The following TNIP3 variants were observed in gnomAD, a reference collection of about 807,000 sequenced individuals.
TNIP3 encodes the protein TNFAIP3 interacting protein 3, also known as TNFAIP3-interacting protein 3.
A neutral mutation model predicts 54.1 loss-of-function variants in TNIP3; 34 were observed. The ratio of observed to expected loss-of-function variants is 0.63; its 90% CI spans 0.48 to 0.84. TNIP3 has a LOEUF of 0.84. Among genes scored for constraint, TNIP3 ranks in the 40% least tolerant of loss-of-function variants. The probability of loss-of-function intolerance (pLI) is 0.00; values close to 1 mark genes in which losing one functional copy is unlikely to be tolerated. For missense variants in TNIP3, 366 were observed against 387.6 expected (o/e 0.94, Z 0.47); for synonymous variants, 134 against 136.8 (o/e 0.98, Z 0.14).
At chr4:121,192,552 T>C (rs1013549664) in intron 2 of TNIP3, among the ~76,000 whole-genome samples, 2 of 152,122 alleles carry the variant, frequency 1.3e-5, no homozygotes, top group Non-Finnish European at 2.9e-5. Flanking sequence ...AAAGCTTCTA[T>C]CGAGCTTTAA....
At chr4:121,155,001 C>T (rs1281661256) in intron 4 of TNIP3, among the ~76,000 whole-genome samples, 1 of 150,542 alleles carries the variant, frequency 6.6e-6, no homozygotes, top group Non-Finnish European at 1.5e-5. Context: ...CTCACACTGT[C>T]TCCCGGCCTG....
At chr4:121,142,490 C>G (rs542636482) in intron 8 of TNIP3, among the ~76,000 whole-genome samples, 1 of 152,188 alleles carries the variant, frequency 6.6e-6, no homozygotes, top group Non-Finnish European at 1.5e-5. Flanking sequence ...CTAAGGAGCA[C>G]TAAGACTTGT....
chr4:121,222,368 C>G (rs1050206051), intron 1 of TNIP3, among the ~76,000 whole-genome samples: 1 of 152,090 alleles, frequency 6.6e-6, no homozygotes, highest in Non-Finnish European at 1.5e-5. Context: ...CTTTTTCAAA[C>G]GTGTATTGGA....
chr4:121,199,719 A>G (rs1316925627), intron 2 of TNIP3, among the ~76,000 whole-genome samples: 1 of 152,220 alleles, frequency 6.6e-6, no homozygotes, highest in Non-Finnish European at 1.5e-5. Context: ...ACACAAATTC[A>G]CAATGCCCAG....
At chr4:121,151,754 A>T (rs1054224744) in intron 5 of TNIP3, among the ~76,000 whole-genome samples, 3 of 152,104 alleles carry the variant, frequency 2.0e-5, no homozygotes, top group Non-Finnish European at 2.9e-5. Flanking sequence ...TTTTCATGCT[A>T]TTTGGGATCC....
chr4:121,160,273 G>A (rs185920683), intron 2 of TNIP3, among the ~76,000 whole-genome samples: 57 of 152,252 alleles, frequency 3.7e-4, no homozygotes, highest in African/African-American at 1.4e-3. Flanking sequence ...GAGGATAGGA[G>A]TTCTAGACCA....
upstream of TNIP3, among the ~76,000 whole-genome samples, chr4:121,220,079 C>A (rs1726967655): frequency 6.6e-6 from 1 of 151,988 alleles, no homozygotes; most frequent in African/African-American, 2.4e-5. Context: ...GGCTGAAAAC[C>A]ATACATATGT....
At chr4:121,145,742 T>G (rs1178702414) in intron 7 of TNIP3, among the ~76,000 whole-genome samples, 2 of 151,878 alleles carry the variant, frequency 1.3e-5, no homozygotes. Context: ...CAAATATTTT[T>G]TGTTCTAAAA....
At chr4:121,157,041 C>T in intron 4 of TNIP3, 53 bp downstream of exon 4, 1 of 1,606,850 alleles carries the variant, frequency 6.2e-7, no homozygotes, top group East Asian at 2.2e-5. Flanking sequence ...AATCCCCCCG[C>T]CCCTTTGCTT....
upstream of TNIP3, among the ~76,000 whole-genome samples, chr4:121,168,622 G>C (rs528774345): frequency 6.6e-6 from 1 of 151,332 alleles, no homozygotes; most frequent in East Asian, 1.9e-4. Context: ...CTGGGGTCAA[G>C]CAATCCAGCT....
At chr4:121,215,356 T>C (rs1377470296) in intron 2 of TNIP3, among the ~76,000 whole-genome samples, 2 of 152,214 alleles carry the variant, frequency 1.3e-5, no homozygotes, top group African/African-American at 2.4e-5. Context: ...TATCTTTCAC[T>C]TGAAAGGTAT....
chr4:121,209,096 G>A (rs1348015275), intron 2 of TNIP3, among the ~76,000 whole-genome samples: 1 of 152,218 alleles, frequency 6.6e-6, no homozygotes, highest in Non-Finnish European at 1.5e-5. Flanking sequence ...AAAGCTTCCT[G>A]GTTGGTAACA....
chr4:121,197,474 G>A (rs1002033334), intron 2 of TNIP3, among the ~76,000 whole-genome samples: 4 of 148,926 alleles, frequency 2.7e-5, no homozygotes, highest in African/African-American at 1.0e-4. Flanking sequence ...AGAGATTGCA[G>A]TAAGCCGAGA....
At chr4:121,150,909 T>C (rs138512822) in intron 5 of TNIP3, among the ~76,000 whole-genome samples, 26 of 152,352 alleles carry the variant, frequency 1.7e-4, no homozygotes, top group Non-Finnish European at 2.2e-4. Context: ...GTGCCCTGCT[T>C]TCTTGACATC....
intron 2 of TNIP3, among the ~76,000 whole-genome samples, chr4:121,206,771 T>C (rs1726214707): frequency 6.6e-6 from 1 of 152,206 alleles, no homozygotes; most frequent in Non-Finnish European, 1.5e-5. Flanking sequence ...GGTTTCACCA[T>C]GTTGCACAGG....
intron 2 of TNIP3, among the ~76,000 whole-genome samples, chr4:121,215,623 C>T (rs1045113069): frequency 6.6e-6 from 1 of 152,072 alleles, no homozygotes; most frequent in Admixed American, 6.6e-5. Context: ...TCTCCTGTTT[C>T]TCTTTACCAG....
intron 1 of TNIP3, among the ~76,000 whole-genome samples, chr4:121,224,591 T>C (rs943433845): frequency 6.6e-6 from 1 of 152,216 alleles, no homozygotes; most frequent in Admixed American, 6.5e-5. Context: ...AAATTCATCT[T>C]ATTGTTTTCA....
intron 2 of TNIP3, among the ~76,000 whole-genome samples, chr4:121,192,582 G>GA (rs922184669): frequency 2.0e-5 from 3 of 152,092 alleles, no homozygotes; most frequent in South Asian, 2.1e-4. Flanking sequence ...TCTGCCGTTG[G>GA]AAAAATTGCA....
chr4:121,153,198 T>C (rs1335031010), intron 5 of TNIP3, among the ~76,000 whole-genome samples: 6 of 152,182 alleles, frequency 3.9e-5, no homozygotes, highest in Non-Finnish European at 8.8e-5. Flanking sequence ...TATTAAATTA[T>C]ATAATCACCG....
Sources: gnomAD v4.1 joint callset for allele counts (sites outside exome capture counted in the v4.1 genomes callset) on GRCh38, gnomAD v4.1.1 for gene constraint, MANE v1.5 for transcripts, NCBI Gene and HGNC (gene_info 2026-07-23, HGNC 2026-07-21) for gene names.